CCDC62: variants seen among roughly 807,000 people sequenced by gnomAD.
The protein encoded by CCDC62 is coiled-coil domain-containing protein 62.
In CCDC62, 72 loss-of-function variants were observed where a neutral mutation model predicts 80.8. That is an observed-to-expected ratio of 0.89 (90% CI 0.74 to 1.08). The LOEUF (loss-of-function observed/expected upper bound fraction) is 1.08. CCDC62 is among the 50% of genes least tolerant of loss of function. CCDC62 has a pLI of 0.00. For missense variants in CCDC62, 704 were observed against 809.4 expected, an observed-to-expected ratio of 0.87 and a Z score of 1.58; for synonymous variants, 286 against 296.5, an observed-to-expected ratio of 0.96 and a Z score of 0.36.
chr12:122,791,399 A>T (rs2030596727), intron 5 of CCDC62, among the ~76,000 whole-genome samples: 1 of 151,636 alleles, frequency 6.6e-6, no homozygotes, highest in African/African-American at 2.4e-5. Flanking sequence ...TCAGCCTCCC[A>T]AAGTGTTGGG....
chr12:122,782,673 G>T (rs1466288707), intron 3 of CCDC62, among the ~76,000 whole-genome samples: 1 of 151,854 alleles, frequency 6.6e-6, no homozygotes, highest in Non-Finnish European at 1.5e-5. Context: ...GGCCAGGCTG[G>T]TCTCCAACGC....
intron 4 of CCDC62, among the ~76,000 whole-genome samples, chr12:122,787,083 G>A (rs1333422208): frequency 6.6e-6 from 1 of 152,224 alleles, no homozygotes; most frequent in Non-Finnish European, 1.5e-5. Context: ...CTCTGGCAAA[G>A]CTATAGGTAT....
intron 2 of CCDC62, among the ~76,000 whole-genome samples, chr12:122,778,118 G>A (rs1879592942): frequency 6.6e-6 from 1 of 152,050 alleles, no homozygotes; most frequent in Non-Finnish European, 1.5e-5. Context: ...TGTAATTCCA[G>A]CACTTTGGCG....
intron 3 of CCDC62, among the ~76,000 whole-genome samples, chr12:122,783,916 T>C (rs1264693870): frequency 6.6e-6 from 1 of 152,220 alleles, no homozygotes; most frequent in Non-Finnish European, 1.5e-5. Flanking sequence ...AAGATTACAG[T>C]TAACATTAGG....
In CCDC62 at chr12:122,788,675, G is replaced by A. The variant is rs532455866; in HGVS notation, c.499-83G>A. On this transcript the variant is annotated intron_variant, in intron 4 of 12. Transcript: ENST00000253079. The stretch of plus-strand genomic sequence containing the variant: ...ATGCTTAGAGTGGAACCTGGCACAC[G>A]ATAAGATCTTAGTGTTATCTTTTCT... The A allele has an allele frequency of 2.7e-4, 229 of 859,116 alleles. 1 individual carries two copies. The African/African-American group carries it at 3.3e-3, about 12-fold the overall frequency. The allele number at this position is 859,116 out of a possible 1,614,324, so 53.2% of individuals were successfully genotyped here. A position where few individuals can be genotyped will look rare whatever the true frequency, so the allele number is the denominator to read the frequency against.
chr12:122,823,407 T>TG lies in CCDC62; in HGVS notation c.2044dup (p.Val682GlyfsTer48), dbSNP rs1283558810. ...AAGAGTCAGCTCAAAAAAATACCTTTGTCAGTTATTGAAGGAAACAAAAGG... is the reference window on the plus strand; with the variant it reads ...AAGAGTCAGCTCAAAAAAATACCTTTGGTCAGTTATTGAAGGAAACAAAAGG... On this transcript the variant is annotated frameshift_variant, in exon 12 of 13. Coordinates refer to ENST00000253079, the MANE Select transcript of CCDC62 (RefSeq NM_201435.5). LOFTEE classifies it high-confidence loss of function. 2 of 1,613,146 alleles carry TG rather than the reference T, an allele frequency of 1.2e-6. No homozygotes were observed. The highest frequency in any genetic ancestry group is 4.5e-5 in the East Asian group (2 of 44,890).
intron 11 of CCDC62, among the ~76,000 whole-genome samples, chr12:122,822,848 A>G (rs755696447): frequency 1.3e-5 from 2 of 152,144 alleles, no homozygotes; most frequent in Non-Finnish European, 2.9e-5. Flanking sequence ...TTGTGCGTAT[A>G]TACTACGTTT....
intron 9 of CCDC62, among the ~76,000 whole-genome samples, chr12:122,805,540 A>G (rs11060095): frequency 0.013 from 917 of 72,950 alleles, 9 homozygotes; most frequent in African/African-American, 0.037. Flanking sequence ...TTTGAGGCGG[A>G]GTCTTGCTCT....
At chr12:122,795,303 G>A (rs1489219977) in intron 6 of CCDC62, among the ~76,000 whole-genome samples, 7 of 152,060 alleles carry the variant, frequency 4.6e-5, no homozygotes, top group Admixed American at 1.3e-4. Context: ...CACCCGCCTC[G>A]GCCTCCCAAA....
chr12:122,813,354 A>C lies in CCDC62; in HGVS notation c.1936A>C (p.Thr646Pro), dbSNP rs775619984. The C allele has an allele frequency of 1.9e-6, 3 of 1,613,878 alleles. No individual in the cohort carries two copies. Among genetic ancestry groups the C allele is most frequent in the Non-Finnish European group, 2.5e-6 (3 of 1,180,004 alleles). ...RLLAESRQMVTDLELSTLLPI... is the reference protein window; with the variant it reads ...RLLAESRQMVPDLELSTLLPI... Reference sequence around the variant, plus strand: ...GCTGGCGGAATCTCGTCAGATGGTGACGGACCTGGAGCTGAGCACACTGCT... The same window carrying C: ...GCTGGCGGAATCTCGTCAGATGGTGCCGGACCTGGAGCTGAGCACACTGCT... The change falls in exon 11 of 13, where the codon ACG becomes CCG. Residue 646 changes from threonine to proline, a missense_variant. Coordinates refer to ENST00000253079, the MANE Select transcript of CCDC62 (RefSeq NM_201435.5).
chr12:122,787,450 C>CAA (rs11291981), intron 4 of CCDC62, among the ~76,000 whole-genome samples: 2 of 132,510 alleles, frequency 1.5e-5, no homozygotes, highest in Non-Finnish European at 1.6e-5. Flanking sequence ...GACTCTGTCT[C>CAA]AAAAAAAAAA....
chr12:122,825,993 CAA>C (rs61129769), intron 12 of CCDC62, among the ~76,000 whole-genome samples: 27 of 110,370 alleles, frequency 2.4e-4, no homozygotes, highest in East Asian at 5.9e-4. Context: ...AACTCCGTCT[CAA>C]AAAAAAAAAA....
At chr12:122,822,255 G>A (rs2032439171) in intron 11 of CCDC62, among the ~76,000 whole-genome samples, 1 of 151,898 alleles carries the variant, frequency 6.6e-6, no homozygotes, top group Non-Finnish European at 1.5e-5. Flanking sequence ...ACAGGCGCGT[G>A]CCACCACGCC....
At chr12:122,815,906 C>G (rs1798560) in intron 11 of CCDC62, among the ~76,000 whole-genome samples, 16,880 of 152,132 alleles carry the variant, frequency 0.11, 2,204 homozygotes, top group African/African-American at 0.32. Context: ...TGAATAGAAG[C>G]AGGGGAGCAA....
intron 1 of CCDC62, chr12:122,776,441 T>G (rs1879461236): frequency 6.6e-6 from 1 of 152,218 alleles, no homozygotes; most frequent in Non-Finnish European, 1.5e-5. Context: ...CTGAAGTATG[T>G]AAGGGTGAAA....
intron 8 of CCDC62, among the ~76,000 whole-genome samples, chr12:122,800,587 C>T (rs748217052): frequency 6.6e-6 from 1 of 151,982 alleles, no homozygotes; most frequent in Non-Finnish European, 1.5e-5. Context: ...GCCACCACGC[C>T]CGGCTAATTT....
At chr12:122,820,477 C>T (rs2032357021) in intron 11 of CCDC62, among the ~76,000 whole-genome samples, 1 of 152,120 alleles carries the variant, frequency 6.6e-6, no homozygotes, top group African/African-American at 2.4e-5. Context: ...GGGCTCTTGG[C>T]CTTTCTCGTG....
In CCDC62 at chr12:122,785,834, A is replaced by T. The variant is rs759257048; in HGVS notation, c.498+14A>T. On this transcript the variant is annotated intron_variant, in intron 4 of 12. Coordinates refer to ENST00000253079, the MANE Select transcript of CCDC62 (RefSeq NM_201435.5). ...ATAAAGCTAAAGGTAATCAAAAATA[A>T]GAATTCCTCCATTTGCCAGAGTGCT... 1 of 1,544,216 alleles carries T rather than the reference A, an allele frequency of 6.5e-7. No individual in the cohort carries two copies. Among genetic ancestry groups the T allele is most frequent in the Non-Finnish European group, 9.0e-7 (1 of 1,116,616 alleles).
intron 9 of CCDC62, 21 bp from the exon 10 acceptor site, chr12:122,806,130 G>A (rs370022962): frequency 1.1e-4 from 179 of 1,600,016 alleles, no homozygotes; most frequent in Non-Finnish European, 1.4e-4. Context: ...ATTTGTTTTT[G>A]TTGGGTTTTC....
Sources: allele counts gnomAD v4.1 joint callset (sites outside exome capture counted in the v4.1 genomes callset), GRCh38; gene constraint gnomAD v4.1.1; transcripts MANE v1.5; gene names NCBI Gene and HGNC (gene_info 2026-07-23, HGNC 2026-07-21).